Variants in DYNC2H1 observed in about 807,000 individuals in gnomAD.
The protein encoded by DYNC2H1 is cytoplasmic dynein 2 heavy chain 1.
DYNC2H1 carries 410 observed loss-of-function variants against 570.0 expected under a neutral mutation model. The observed-to-expected ratio is 0.72, with a 90% CI of 0.66 to 0.78. The LOEUF is 0.78. DYNC2H1 is among the 30% of genes least tolerant of loss of function. The pLI, the probability that DYNC2H1 is intolerant of heterozygous loss-of-function variation, is 0.00. For missense variants in DYNC2H1, 4,865 were observed against 5,046.4 expected (o/e 0.96, Z 1.09); for synonymous variants, 1,688 against 1,677.6 (o/e 1.01, Z -0.15).
At chr11:103,279,463 CT>C (rs1337510349) in intron 70 of DYNC2H1, among the ~76,000 whole-genome samples, 1 of 152,114 alleles carries the variant, frequency 6.6e-6, no homozygotes, top group Non-Finnish European at 1.5e-5. Context: ...CATTCTTCGA[CT>C]TTGTTTCTTC....
chr11:103,198,829 T>G (rs1437499981), intron 48 of DYNC2H1, among the ~76,000 whole-genome samples: 1 of 152,180 alleles, frequency 6.6e-6, no homozygotes, highest in Non-Finnish European at 1.5e-5. Flanking sequence ...GAACAAACAT[T>G]CACAAAAGAT....
intron 20 of DYNC2H1, 129 bp downstream of exon 20, chr11:103,148,746 G>A (rs1490260654): frequency 8.4e-7 from 1 of 1,196,720 alleles, no homozygotes; most frequent in Admixed American, 2.7e-5. Flanking sequence ...CAATAGTCTG[G>A]CTTACCTGGT....
intron 21 of DYNC2H1, among the ~76,000 whole-genome samples, 190 bp downstream of exon 21, chr11:103,152,475 A>G (rs371335034): frequency 1.3e-5 from 2 of 152,142 alleles, no homozygotes; most frequent in Non-Finnish European, 1.5e-5. Context: ...TTTACTTCCT[A>G]TCACACCAAG....
intron 12 of DYNC2H1, among the ~76,000 whole-genome samples, chr11:103,125,787 A>G (rs1858966548): frequency 6.6e-6 from 1 of 152,204 alleles, no homozygotes; most frequent in Non-Finnish European, 1.5e-5. Context: ...TCATGACCCA[A>G]CTAAACTGAC....
At chr11:103,174,297 T>C (rs1861704357) in intron 36 of DYNC2H1, 127 bp downstream of exon 36, 1 of 607,706 alleles carries the variant, frequency 1.6e-6, no homozygotes, top group South Asian at 4.0e-5. Flanking sequence ...CTGCCCCAAT[T>C]TCTACTGTTG....
At chr11:103,230,289 G>A (rs1281031100) in intron 59 of DYNC2H1, among the ~76,000 whole-genome samples, 2 of 152,184 alleles carry the variant, frequency 1.3e-5, no homozygotes, top group East Asian at 1.9e-4. Context: ...CTGACTGGAA[G>A]CCCTGAGTGT....
chr11:103,306,294 T>C (rs1358258820), intron 77 of DYNC2H1, among the ~76,000 whole-genome samples: 2 of 152,234 alleles, frequency 1.3e-5, no homozygotes, highest in East Asian at 1.9e-4. Flanking sequence ...AGTTGATTGA[T>C]AGCTACTAAT....
At chr11:103,392,135 C>T (rs183045204) in intron 83 of DYNC2H1, among the ~76,000 whole-genome samples, 7 of 152,326 alleles carry the variant, frequency 4.6e-5, no homozygotes, top group South Asian at 2.1e-4. Context: ...CCTTGAGCTG[C>T]GGTGGACTCC....
At chr11:103,436,071 T>A in intron 85 of DYNC2H1, 39 bp downstream of exon 85, 1 of 1,565,422 alleles carries the variant, frequency 6.4e-7, no homozygotes, top group African/African-American at 1.4e-5. Flanking sequence ...TGTCTGACTG[T>A]GTGACTATTG....
At chr11:103,191,464 A>C in intron 45 of DYNC2H1, 53 bp from the exon 46 acceptor site, 7 of 1,383,990 alleles carry the variant, frequency 5.1e-6, no homozygotes, top group Non-Finnish European at 7.0e-6. Context: ...AATTTATAAC[A>C]TGATTATTAT....
intron 87 of DYNC2H1, among the ~76,000 whole-genome samples, chr11:103,459,121 A>G (rs962970589): frequency 1.3e-5 from 2 of 151,070 alleles, no homozygotes; most frequent in Non-Finnish European, 3.0e-5. Flanking sequence ...CATCCCGGCT[A>G]AAACGGTGAA....
At position 103,198,001 on chromosome 11, in the gene DYNC2H1, C is replaced by T. The variant is rs758481076; in HGVS notation, c.7777C>T (p.Pro2593Ser). Residue 2593 changes from proline (P) to serine (S), a missense_variant, in exon 48 of 89, where the codon CCT becomes TCT. Physicochemically the swap from Pro to Ser is moderately conservative, Grantham distance 74 (BLOSUM62 -1). This residue lies in a region of DYNC2H1 where 2,401 missense variants were observed against 2,454.6 expected (regional missense o/e 0.98). Transcript: ENST00000375735. The part of the protein sequence containing the change: ...GARAAPGQPL[P>S]PHGKPLGKLN... Reference sequence around the variant, plus strand: ...AAGGGCAGCCCCAGGACAACCATTACCTCCACATGGAAAACCACTTGGAAA... The same window carrying T: ...AAGGGCAGCCCCAGGACAACCATTATCTCCACATGGAAAACCACTTGGAAA... 6.4e-7 allele frequency: 1 copy of T among 1,560,486 alleles called. No homozygotes were observed. Among genetic ancestry groups the T allele is most frequent in the Admixed American group, 1.9e-5 (1 of 52,022 alleles).
rs1229201156 is a variant in DYNC2H1, at chr11:103,252,720, A to G, written c.10043-565A>G. 2.0e-5 allele frequency among the ~76,000 whole-genome samples: 3 copies of G among 151,974 alleles called. No homozygotes were observed. Among genetic ancestry groups the G allele is most frequent in the East Asian group, 1.9e-4 (1 of 5,194 alleles). ...TATCTTTCTGCTATTGAATTGTATG[A>G]GTTTTTTCTTTATACATTTTGGATA... On this transcript the variant is annotated intron_variant, in intron 65 of 88. Transcript: ENST00000375735. This position sits in a 1 kb window ranked among gnomAD's most constrained non-coding sequence, Gnocchi z 4.6.
chr11:103,160,532 C>T (rs2134916422), intron 28 of DYNC2H1, among the ~76,000 whole-genome samples: 1 of 151,990 alleles, frequency 6.6e-6, no homozygotes, highest in East Asian at 1.9e-4. Context: ...TTTTCACTCC[C>T]CCAAGAATGT....
At chr11:103,212,075 A>G in intron 54 of DYNC2H1, 132 bp downstream of exon 54, 1 of 1,135,228 alleles carries the variant, frequency 8.8e-7, no homozygotes, top group Non-Finnish European at 1.1e-6. Context: ...CTTGGAAAAC[A>G]GTCTCACTTT....
chr11:103,381,122 A>G (rs190283414), intron 83 of DYNC2H1, among the ~76,000 whole-genome samples: 5 of 152,336 alleles, frequency 3.3e-5, no homozygotes, highest in African/African-American at 1.2e-4. Context: ...TTAGATTAAG[A>G]AGATTGAGAC....
intron 83 of DYNC2H1, among the ~76,000 whole-genome samples, chr11:103,387,450 T>C (rs1266470431): frequency 6.6e-6 from 1 of 152,240 alleles, no homozygotes; most frequent in Non-Finnish European, 1.5e-5. Context: ...ATTCTGTCAG[T>C]TGCCTGTTCT....
intron 85 of DYNC2H1, among the ~76,000 whole-genome samples, chr11:103,444,697 G>A (rs576520448): frequency 6.6e-6 from 1 of 152,274 alleles, no homozygotes; most frequent in African/African-American, 2.4e-5. Flanking sequence ...TGTCTTTGGA[G>A]GTGATATTTA....
chr11:103,359,854 G>A (rs1351528624), intron 83 of DYNC2H1, among the ~76,000 whole-genome samples: 1 of 151,776 alleles, frequency 6.6e-6, no homozygotes, highest in Non-Finnish European at 1.5e-5. Flanking sequence ...TAGTAGAGAT[G>A]CGTTTTTACC....
Sources: allele counts gnomAD v4.1 joint callset (sites outside exome capture counted in the v4.1 genomes callset), GRCh38; gene constraint gnomAD v4.1.1; regional missense constraint gnomAD v4.1.1; non-coding constraint Gnocchi (gnomAD v3.1); transcripts MANE v1.5; gene names NCBI Gene and HGNC (gene_info 2026-07-23, HGNC 2026-07-21).